Variants in ACO1 observed in about 807,000 individuals in gnomAD.
ACO1 encodes the protein aconitase 1.
Under a neutral mutation model 105.1 loss-of-function variants are expected in ACO1, and 78 were observed. That is an observed-to-expected ratio of 0.74 (90% CI 0.62 to 0.90). ACO1 has a LOEUF of 0.90. Ranked by LOEUF, ACO1 falls within the 40% of genes least tolerant of loss-of-function variation. The pLI, the probability that ACO1 is intolerant of heterozygous loss-of-function variation, is 0.00. For missense variants in ACO1, 965 were observed against 1,111.1 expected, an observed-to-expected ratio of 0.87 and a Z score of 1.87; for synonymous variants, 364 against 397.4, an observed-to-expected ratio of 0.92 and a Z score of 1.00.
intron 19 of ACO1, chr9:32,445,411 T>C (rs1044708350): frequency 5.1e-5 from 8 of 158,328 alleles, no homozygotes; most frequent in Non-Finnish European, 9.8e-5. Context: ...GAGGTGTTTA[T>C]AGTATTATCT....
At chr9:32,415,446 C>G in intron 4 of ACO1, among the ~76,000 whole-genome samples, 1 of 152,016 alleles carries the variant, frequency 6.6e-6, no homozygotes, top group Non-Finnish European at 1.5e-5. Flanking sequence ...GGAAGAGGAA[C>G]AGATTTAGGA....
intron 1 of ACO1, among the ~76,000 whole-genome samples, chr9:32,387,590 G>A (rs904733978): frequency 2.6e-5 from 4 of 152,012 alleles, no homozygotes; most frequent in Non-Finnish European, 5.9e-5. Flanking sequence ...TATGATTCAA[G>A]TCCTCTAAAA....
rs188890525 is a variant in ACO1, at chr9:32,398,051, T to G, written c.-22-7434T>G. On this transcript the variant is annotated intron_variant, in intron 1 of 20. Coordinates refer to ENST00000309951, the MANE Select transcript of ACO1 (RefSeq NM_002197.3). ...ATTCTCATCCTGTCCAGCCCACTAC[T>G]GATAGTTCTGCTGCCTGGGTTTATT... Among the ~76,000 whole-genome samples, 32 of 152,288 alleles carry G rather than the reference T, an allele frequency of 2.1e-4. No homozygotes were observed. The East Asian group carries it at 6.0e-3, about 28-fold the overall frequency.
intron 11 of ACO1, among the ~76,000 whole-genome samples, chr9:32,427,041 T>A (rs1822115124): frequency 6.6e-6 from 1 of 151,530 alleles, no homozygotes; most frequent in African/African-American, 2.4e-5. Flanking sequence ...TTTATCTCTT[T>A]AAAAAAAAAG....
Position 32,424,566 on chromosome 9 carries a change from GA to G in ACO1, c.1093del (p.Thr365GlnfsTer2). The G allele has an allele frequency of 1.2e-6, 2 of 1,612,726 alleles. No individual in the cohort carries two copies. Among genetic ancestry groups the G allele is most frequent in the Non-Finnish European group, 1.7e-6 (2 of 1,179,276 alleles). ...GTCAACAGGTTGTGGAATTAGATTT[GA>G]AAACAGTAGTGCCTTGCTGTAGTGG... ...DFTQVVELDL[K>X]TVVPCCSGPK... is the part of the protein sequence containing the mutation. On this transcript the variant is annotated frameshift_variant, in exon 10 of 21. Transcript: ENST00000309951. LOFTEE classifies it high-confidence loss of function.
In ACO1 at chr9:32,420,952, A is replaced by T. The variant is rs755034665; in HGVS notation, c.895A>T (p.Met299Leu). 6.2e-7 allele frequency: 1 copy of T among 1,614,122 alleles called. No homozygotes were observed. The highest frequency in any genetic ancestry group is 1.1e-5 in the South Asian group (1 of 91,086). The part of the protein sequence containing the change: ...SIADRATIAN[M>L]CPEYGATAAF... Reference sequence around the variant, plus strand: ...TGCTGACCGAGCTACGATTGCTAACATGTGTCCAGAGTACGGAGCAACTGC... The same window carrying T: ...TGCTGACCGAGCTACGATTGCTAACTTGTGTCCAGAGTACGGAGCAACTGC... Residue 299 changes from methionine to leucine, a missense_variant, in exon 8 of 21, where the codon ATG (methionine) becomes TTG (leucine). Transcript: ENST00000309951.
chr9:32,418,445 C>A lies in ACO1; in HGVS notation c.592C>A (p.Pro198Thr). 6.2e-7 allele frequency: 1 copy of A among 1,614,142 alleles called. No homozygotes were observed. Among genetic ancestry groups the A allele is most frequent in the Non-Finnish European group, 8.5e-7 (1 of 1,180,028 alleles). Residue 198 changes from proline to threonine, a missense_variant, in exon 6 of 21, where the codon CCA becomes ACA. Physicochemically the swap from Pro to Thr is conservative, Grantham distance 38. Coordinates refer to ENST00000309951, the MANE Select transcript of ACO1 (RefSeq NM_002197.3). ...VVFDQDGYYY[P>T]DSLVGTDSHT... ...ATTTGATCAGGATGGATATTATTAC[C>A]CAGACAGCCTCGTGGGCACAGACTC...
intron 19 of ACO1, among the ~76,000 whole-genome samples, chr9:32,441,698 G>A (rs1030274854): frequency 1.3e-5 from 2 of 152,202 alleles, no homozygotes; most frequent in Non-Finnish European, 2.9e-5. Flanking sequence ...CAGCACTCAG[G>A]TAGGGAACTC....
chr9:32,407,236 T>G, intron 2 of ACO1, 25 bp from the exon 3 acceptor site: 1 of 1,611,258 alleles, frequency 6.2e-7, no homozygotes, highest in Non-Finnish European at 8.5e-7. Flanking sequence ...CAGGTTTTGT[T>G]TATTTTGTCA....
chr9:32,415,011 C>G (rs1428861203), intron 4 of ACO1, among the ~76,000 whole-genome samples: 1 of 151,974 alleles, frequency 6.6e-6, no homozygotes, highest in Non-Finnish European at 1.5e-5. Context: ...GTCACCTGAT[C>G]TGGATCCTGA....
chr9:32,449,369 G>A (rs1303749906), intron 20 of ACO1, among the ~76,000 whole-genome samples: 1 of 152,122 alleles, frequency 6.6e-6, no homozygotes, highest in Non-Finnish European at 1.5e-5. Context: ...AGAGCTCAGG[G>A]ATGTGACATT....
chr9:32,437,614 G>C lies in ACO1; in HGVS notation c.2247+1217G>C, dbSNP rs185749068. ...GCATTTACAAGCCCTGCATGACATAGAACTTCTAGTCAGATGTCTAGAACC... is the reference window on the plus strand; with the variant it reads ...GCATTTACAAGCCCTGCATGACATACAACTTCTAGTCAGATGTCTAGAACC... On this transcript the variant is annotated intron_variant, in intron 18 of 20. Coordinates refer to ENST00000309951, the MANE Select transcript of ACO1 (RefSeq NM_002197.3). 1.2e-4 allele frequency among the ~76,000 whole-genome samples: 18 copies of C among 152,280 alleles called. 1 individual carries two copies. The East Asian group carries it at 3.5e-3, about 29-fold the overall frequency.
chr9:32,427,358 C>T lies in ACO1; in HGVS notation c.1406C>T (p.Thr469Ile). 1 of 1,614,210 alleles carries T rather than the reference C, an allele frequency of 6.2e-7. No homozygotes were observed. The highest frequency in any genetic ancestry group is 8.5e-7 in the Non-Finnish European group (1 of 1,180,032). ...CTGAACGTGATGCCTTACATCAAAA[C>T]TAGCCTGTCTCCTGGGAGTGGCGTG... ...AGLNVMPYIK[T>I]SLSPGSGVVT... Residue 469 changes from threonine to isoleucine, a missense_variant, in exon 12 of 21, where the codon ACT becomes ATT. Thr to Ile is a moderately conservative substitution (Grantham distance 89). Transcript: ENST00000309951.
At position 32,405,502 on chromosome 9, in the gene ACO1, T is replaced by C. The variant is rs1821589903; in HGVS notation, c.-5T>C. The C allele has an allele frequency of 6.2e-7, 1 of 1,609,644 alleles. No homozygotes were observed. The highest frequency in any genetic ancestry group is 8.5e-7 in the Non-Finnish European group (1 of 1,176,378). Reference sequence around the variant, plus strand: ...CTTTTCAGGAACACGTGGCCATCAGTAATCATGAGCAACCCATTCGCACAC... The same window carrying C: ...CTTTTCAGGAACACGTGGCCATCAGCAATCATGAGCAACCCATTCGCACAC... On this transcript the variant is annotated 5_prime_UTR_variant, in exon 2 of 21. Transcript: ENST00000309951.
intron 9 of ACO1, among the ~76,000 whole-genome samples, chr9:32,423,628 TTAA>T (rs1184650122): frequency 2.0e-5 from 3 of 152,246 alleles, no homozygotes; most frequent in African/African-American, 7.2e-5. Flanking sequence ...TCCTACTGGC[TTAA>T]TAATTGTAGG....
intron 8 of ACO1, among the ~76,000 whole-genome samples, chr9:32,421,277 T>C (rs1426743580): frequency 6.6e-6 from 1 of 152,218 alleles, no homozygotes; most frequent in Admixed American, 6.5e-5. Flanking sequence ...CCTCTACTAC[T>C]AGTTTTTTGA....
intron 11 of ACO1, 95 bp downstream of exon 11, chr9:32,426,092 A>G (rs1441959789): frequency 1.6e-6 from 2 of 1,287,108 alleles, no homozygotes; most frequent in East Asian, 2.4e-5. Context: ...TTGTACATGT[A>G]GTTCCCTGAA....
chr9:32,424,151 C>T (rs1293026469), intron 9 of ACO1, among the ~76,000 whole-genome samples: 2 of 152,144 alleles, frequency 1.3e-5, no homozygotes, highest in Non-Finnish European at 2.9e-5. Context: ...CGGCTGCATC[C>T]CTCCGAAATC....
At chr9:32,411,212 G>C (rs1002817649) in intron 4 of ACO1, among the ~76,000 whole-genome samples, 9 of 152,166 alleles carry the variant, frequency 5.9e-5, no homozygotes, top group African/African-American at 2.2e-4. Context: ...TTTGATACAG[G>C]GAGGGCAATC....
Sources: gnomAD v4.1 joint callset for allele counts (sites outside exome capture counted in the v4.1 genomes callset) on GRCh38, gnomAD v4.1.1 for gene constraint, MANE v1.5 for transcripts, NCBI Gene and HGNC (gene_info 2026-07-23, HGNC 2026-07-21) for gene names.